The following AREL1 variants were observed in gnomAD, a reference collection of about 807,000 sequenced individuals.
The protein encoded by AREL1 is apoptosis resistant E3 ubiquitin protein ligase 1, also known as apoptosis-resistant E3 ubiquitin protein ligase 1.
Under a neutral mutation model 99.0 loss-of-function variants are expected in AREL1, and 62 were observed. The ratio of observed to expected loss-of-function variants is 0.63; its 90% CI spans 0.51 to 0.77. The LOEUF is 0.77. AREL1 is among the 30% of genes least tolerant of loss of function. The pLI is 0.00. For missense variants in AREL1, 879 were observed against 1,027.6 expected (o/e 0.86, Z 1.98); for synonymous variants, 380 against 376.5 (o/e 1.01, Z -0.11).
At chr14:74,681,212 C>T (rs936256898) in intron 5 of AREL1, among the ~76,000 whole-genome samples, 7 of 151,892 alleles carry the variant, frequency 4.6e-5, no homozygotes, top group Admixed American at 1.3e-4. Flanking sequence ...TCCTATACCA[C>T]GTTTGGAGAG....
At chr14:74,697,091 G>C (rs1378704505) in intron 1 of AREL1, among the ~76,000 whole-genome samples, 3 of 152,184 alleles carry the variant, frequency 2.0e-5, no homozygotes, top group Non-Finnish European at 4.4e-5. Flanking sequence ...GCTACAGTGA[G>C]CTGTGATCAC....
chr14:74,712,865 C>T, intron 1 of AREL1, 68 bp downstream of exon 1: 2 of 493,140 alleles, frequency 4.1e-6, no homozygotes, highest in East Asian at 4.1e-5. Flanking sequence ...CTTTTCCTCC[C>T]TCTCTCTCTG....
chr14:74,673,751 C>G (rs2089409953), intron 9 of AREL1, among the ~76,000 whole-genome samples: 1 of 152,204 alleles, frequency 6.6e-6, no homozygotes, highest in African/African-American at 2.4e-5. Flanking sequence ...GCCAGAGTTA[C>G]AAACATCTTC....
At chr14:74,677,877 A>G (rs1406828199) in intron 5 of AREL1, among the ~76,000 whole-genome samples, 1 of 152,022 alleles carries the variant, frequency 6.6e-6, no homozygotes. Context: ...TTGGGGAATT[A>G]TTTTTGTTAC....
At chr14:74,693,247 C>T (rs1053579840) in intron 1 of AREL1, among the ~76,000 whole-genome samples, 1 of 152,220 alleles carries the variant, frequency 6.6e-6, no homozygotes, top group African/African-American at 2.4e-5. Context: ...CCTATGCAGT[C>T]TGCTCCCTTC....
chr14:74,693,198 G>A (rs1162010893), intron 1 of AREL1, among the ~76,000 whole-genome samples: 1 of 152,146 alleles, frequency 6.6e-6, no homozygotes, highest in Non-Finnish European at 1.5e-5. Context: ...CAGCTGGAAA[G>A]GAGAAACTTC....
chr14:74,667,425 G>A (rs901883691), intron 16 of AREL1, 40 bp downstream of exon 16: 1 of 1,614,148 alleles, frequency 6.2e-7, no homozygotes. Flanking sequence ...CATGGATACA[G>A]GTATTTTAAC....
At chr14:74,712,038 CAAAAAAAAAAAAAAAAAAAAA>C (rs752599769) in intron 1 of AREL1, 1 of 28,706 alleles carries the variant, frequency 3.5e-5, no homozygotes, top group South Asian at 1.9e-3. Context: ...AGACAAAGTG[CAAAAAAAAAAAAAAAAAAAAA>C]AAAAAAAAGA....
chr14:74,700,520 T>C (rs2090065014), intron 1 of AREL1, among the ~76,000 whole-genome samples: 1 of 152,236 alleles, frequency 6.6e-6, no homozygotes, highest in African/African-American at 2.4e-5. Flanking sequence ...GGCTCACACC[T>C]GTAATTCCAG....
At chr14:74,699,712 G>C (rs1360620472) in intron 1 of AREL1, among the ~76,000 whole-genome samples, 1 of 152,070 alleles carries the variant, frequency 6.6e-6, no homozygotes, top group African/African-American at 2.4e-5. Context: ...TGGTAAAACT[G>C]GTTATCAATA....
At chr14:74,681,807 G>T (rs562916992) in intron 5 of AREL1, among the ~76,000 whole-genome samples, 1 of 151,650 alleles carries the variant, frequency 6.6e-6, no homozygotes, top group African/African-American at 2.4e-5. Context: ...AAACAGGTTG[G>T]GGGGGATAGG....
intron 1 of AREL1, among the ~76,000 whole-genome samples, chr14:74,709,027 C>T (rs902352862): frequency 8.5e-5 from 13 of 152,208 alleles, no homozygotes; most frequent in Non-Finnish European, 4.4e-5. Context: ...AGTTTGAAAA[C>T]TACTATATGA....
intron 6 of AREL1, 79 bp from the exon 7 acceptor site, chr14:74,676,400 T>G: frequency 3.3e-6 from 5 of 1,511,914 alleles, no homozygotes; most frequent in Non-Finnish European, 4.5e-6. Context: ...ACAAAGAGCT[T>G]TCCTATCTAT....
Position 74,676,185 on chromosome 14 carries a change from T to C in AREL1, c.788A>G (p.Asn263Ser). 5 of 1,613,978 alleles carry C rather than the reference T, an allele frequency of 3.1e-6. No individual in the cohort carries two copies. The highest frequency in any genetic ancestry group is 4.2e-6 in the Non-Finnish European group (5 of 1,180,010). ...AAATTCACCATTATTGATTGGCTGA[T>C]TTTGGTATGAAATGCAAGCATGGAA... ...GCFHACISYQNQPINNGEFDI... is the reference protein window; with the variant it reads ...GCFHACISYQSQPINNGEFDI... The change falls in exon 7 of 20, where the codon AAT (asparagine) becomes AGT (serine). Residue 263 changes from asparagine to serine, a missense_variant. Transcript: ENST00000356357.
intron 1 of AREL1, 82 bp from the exon 2 acceptor site, chr14:74,692,410 G>A: frequency 2.8e-6 from 1 of 351,524 alleles, no homozygotes; most frequent in South Asian, 2.2e-5. Flanking sequence ...CAAAGAGAAG[G>A]TAGAACAGGC....
At position 74,713,024 on chromosome 14, in the gene AREL1, CCACCAA is replaced by C; in HGVS notation, c.-431_-426del. ...AGCAGAAGACGGGCTCCCCACTCTC[CCACCAA>C]CAGACCCCAGAGTTGGTCTCCACCC... On this transcript the variant is annotated 5_prime_UTR_variant, in exon 1 of 20. Coordinates refer to ENST00000356357, the MANE Select transcript of AREL1 (RefSeq NM_001039479.2). 9.2e-7 allele frequency: 1 copy of C among 1,089,704 alleles called. No individual in the cohort carries two copies. Among genetic ancestry groups the C allele is most frequent in the Non-Finnish European group, 1.4e-6 (1 of 714,718 alleles). The allele number at this position is 1,089,704 out of a possible 1,614,324, so 67.5% of individuals were successfully genotyped here.
chr14:74,664,966 G>A (rs2089180680), intron 17 of AREL1, 41 bp from the exon 18 acceptor site: 1 of 1,549,644 alleles, frequency 6.5e-7, no homozygotes, highest in African/African-American at 1.4e-5. Flanking sequence ...CAGTCAGAGA[G>A]ACAAAGACCC....
intron 12 of AREL1, among the ~76,000 whole-genome samples, chr14:74,671,133 A>C (rs2089328726): frequency 6.6e-6 from 1 of 152,082 alleles, no homozygotes; most frequent in South Asian, 2.1e-4. Context: ...ATTTCTCTCA[A>C]GGTAACCACG....
At chr14:74,690,415 T>TA (rs2089852602) in intron 2 of AREL1, among the ~76,000 whole-genome samples, 1 of 152,178 alleles carries the variant, frequency 6.6e-6, no homozygotes, top group Admixed American at 6.5e-5. Flanking sequence ...TCCTTGTAGA[T>TA]AGAGTTTGAA....
Sources: allele counts gnomAD v4.1 joint callset (sites outside exome capture counted in the v4.1 genomes callset), GRCh38; gene constraint gnomAD v4.1.1; transcripts MANE v1.5; gene names NCBI Gene and HGNC (gene_info 2026-07-23, HGNC 2026-07-21).